RBFOX1: variants seen among roughly 807,000 people sequenced by gnomAD.
RBFOX1 encodes the protein RNA binding protein fox-1 homolog 1.
In RBFOX1, 8 loss-of-function variants were observed where a neutral mutation model predicts 57.7. The observed-to-expected ratio is 0.14, with a 90% CI of 0.08 to 0.25. The LOEUF is 0.25. RBFOX1 is among the 10% of genes least tolerant of loss of function. The pLI is 1.00. For missense variants in RBFOX1, 611 were observed against 548.5 expected (o/e 1.11, Z -1.14); for synonymous variants, 326 against 222.4 (o/e 1.47, Z -4.15).
chr16:6,303,451 A>G (rs2079067037), intron 1 of RBFOX1, among the ~76,000 whole-genome samples: 1 of 152,028 alleles, frequency 6.6e-6, no homozygotes, highest in Non-Finnish European at 1.5e-5. Flanking sequence ...TTCTTTATAG[A>G]GCAATGAGTT....
intron 2 of RBFOX1, among the ~76,000 whole-genome samples, chr16:6,448,149 TTTC>T (rs2094522720): frequency 1.6e-5 from 2 of 124,728 alleles, no homozygotes; most frequent in African/African-American, 3.3e-5. Flanking sequence ...TTTCTTTTCT[TTTC>T]TTTCTTTTTT....
Position 7,659,234 on chromosome 16 carries a change from A to G in RBFOX1, c.890+5287A>G, listed in dbSNP as rs979323604. On this transcript the variant is annotated intron_variant, in intron 12 of 15. Transcript: ENST00000550418. ...GAAAGATAGAGCAGTATCCCAGGAG[A>G]AAACTTAAAGCTGGTCAGTGGAAGA... is the stretch of plus-strand genomic sequence containing the variant. 6.6e-5 allele frequency among the ~76,000 whole-genome samples: 10 copies of G among 152,202 alleles called. No individual in the cohort carries two copies. The East Asian group carries it at 1.3e-3, about 20-fold the overall frequency.
chr16:5,450,629 A>T (rs2068394502), intron 1 of RBFOX1, among the ~76,000 whole-genome samples: 1 of 152,126 alleles, frequency 6.6e-6, no homozygotes, highest in Admixed American at 6.5e-5. Flanking sequence ...GGGGGATCTC[A>T]GTGCCAAGGA....
chr16:6,517,065 A>G (rs374975673), intron 2 of RBFOX1, among the ~76,000 whole-genome samples: 4 of 152,172 alleles, frequency 2.6e-5, no homozygotes, highest in Non-Finnish European at 5.9e-5. Context: ...TTCCAAATAT[A>G]GAGGTGGAAG....
intron 4 of RBFOX1, among the ~76,000 whole-genome samples, chr16:7,336,181 A>T (rs1431033256): frequency 2.6e-5 from 4 of 152,190 alleles, no homozygotes; most frequent in Non-Finnish European, 5.9e-5. Flanking sequence ...CGAGTCCAGA[A>T]GCTACTCAGA....
At chr16:7,581,950 C>G (rs556019884) in intron 6 of RBFOX1, among the ~76,000 whole-genome samples, 32 of 152,082 alleles carry the variant, frequency 2.1e-4, no homozygotes, top group African/African-American at 7.2e-4. Flanking sequence ...TTCCTGGCCT[C>G]AAGCAACCCT....
chr16:7,366,687 C>T (rs2147040309), intron 4 of RBFOX1, among the ~76,000 whole-genome samples: 1 of 151,834 alleles, frequency 6.6e-6, no homozygotes, highest in African/African-American at 2.4e-5. Flanking sequence ...GTCAAGCCTG[C>T]ATTGTGCTAA....
chr16:5,683,026 G>T (rs1211740748), intron 3 of RBFOX1, among the ~76,000 whole-genome samples: 2 of 152,090 alleles, frequency 1.3e-5, no homozygotes, highest in African/African-American at 4.8e-5. Flanking sequence ...AGAATGGGGA[G>T]AATCAGAGTG....
intron 1 of RBFOX1, among the ~76,000 whole-genome samples, chr16:6,233,390 G>C (rs2097480856): frequency 6.6e-6 from 1 of 151,950 alleles, no homozygotes. Flanking sequence ...TTGCAGTGGG[G>C]ATCTGACGAA....
At chr16:7,561,436 A>G (rs562344565) in intron 5 of RBFOX1, among the ~76,000 whole-genome samples, 12 of 152,336 alleles carry the variant, frequency 7.9e-5, no homozygotes, top group Non-Finnish European at 1.6e-4. Flanking sequence ...TTCCGAACAT[A>G]TATTTACTCT....
At chr16:6,860,532 C>A (rs758167060) in intron 3 of RBFOX1, among the ~76,000 whole-genome samples, 5 of 152,164 alleles carry the variant, frequency 3.3e-5, no homozygotes, top group Non-Finnish European at 5.9e-5. Flanking sequence ...ATTCAAGATG[C>A]ATGTAGTTTT....
intron 3 of RBFOX1, among the ~76,000 whole-genome samples, chr16:6,922,069 G>A (rs562525405): frequency 1.3e-5 from 2 of 152,278 alleles, no homozygotes; most frequent in African/African-American, 4.8e-5. Flanking sequence ...TACTATTCAG[G>A]TTAATCACTG....
At chr16:6,233,592 C>G (rs141612440) in intron 1 of RBFOX1, among the ~76,000 whole-genome samples, 1 of 152,226 alleles carries the variant, frequency 6.6e-6, no homozygotes, top group East Asian at 1.9e-4. Context: ...CACTAAGTCT[C>G]CACACCACAC....
At chr16:5,513,411 G>A (rs927751812) in intron 2 of RBFOX1, among the ~76,000 whole-genome samples, 18 of 152,082 alleles carry the variant, frequency 1.2e-4, no homozygotes, top group African/African-American at 3.1e-4. Flanking sequence ...CATGCCTATC[G>A]CTGTTAACCT....
intron 5 of RBFOX1, among the ~76,000 whole-genome samples, chr16:7,546,033 AAAAG>A (rs1354373813): frequency 3.3e-5 from 5 of 151,006 alleles, no homozygotes; most frequent in Non-Finnish European, 7.4e-5. Flanking sequence ...AAAAAAAAGA[AAAAG>A]AAAATCAGGC....
At chr16:5,953,060 A>G (rs1161253352) in intron 4 of RBFOX1, among the ~76,000 whole-genome samples, 1 of 150,248 alleles carries the variant, frequency 6.7e-6, no homozygotes, top group African/African-American at 2.4e-5. Context: ...AAGATTATCA[A>G]GAAAGTACCA....
chr16:6,499,940 A>G (rs1374554218), intron 2 of RBFOX1, among the ~76,000 whole-genome samples: 1 of 152,188 alleles, frequency 6.6e-6, no homozygotes, highest in African/African-American at 2.4e-5. Flanking sequence ...TGTTTTGAGA[A>G]GGGCTTTCTC....
chr16:6,546,834 CTGAGCTTGCCA>C (rs2096903135), intron 2 of RBFOX1, among the ~76,000 whole-genome samples: 1 of 152,192 alleles, frequency 6.6e-6, no homozygotes, highest in Non-Finnish European at 1.5e-5. Context: ...ACCAAAGATT[CTGAGCTTGCCA>C]TTGGCAATGA....
intron 2 of RBFOX1, among the ~76,000 whole-genome samples, chr16:5,554,352 G>A (rs899800967): frequency 6.6e-6 from 1 of 151,858 alleles, no homozygotes; most frequent in African/African-American, 2.4e-5. Context: ...TAAAACTGGT[G>A]TATATTTCTG....
Sources: allele counts gnomAD v4.1 joint callset (sites outside exome capture counted in the v4.1 genomes callset), GRCh38; gene constraint gnomAD v4.1.1; transcripts MANE v1.5; gene names NCBI Gene and HGNC (gene_info 2026-07-23, HGNC 2026-07-21).